Variants in CWH43 observed in about 807,000 individuals in gnomAD.
CWH43 encodes the protein PGAP2-interacting protein.
CWH43 carries 91 observed loss-of-function variants against 85.7 expected under a neutral mutation model. That is an observed-to-expected ratio of 1.06 (90% CI 0.90 to 1.26). CWH43 has a LOEUF of 1.26. Ranked by LOEUF, CWH43 falls within the 50% of genes most tolerant of loss-of-function variation. The pLI, the probability that CWH43 is intolerant of heterozygous loss-of-function variation, is 0.00. For synonymous variants in CWH43, 323 were observed against 293.6 expected (o/e 1.10, Z -1.02); for missense variants, 869 against 839.2 (o/e 1.04, Z -0.44).
intron 12 of CWH43, among the ~76,000 whole-genome samples, chr4:49,036,610 A>G (rs1397584184): frequency 6.6e-6 from 1 of 152,094 alleles, no homozygotes; most frequent in Non-Finnish European, 1.5e-5. Flanking sequence ...CTACCTTTCT[A>G]TGTAAATACC....
intron 8 of CWH43, among the ~76,000 whole-genome samples, chr4:49,010,386 C>T (rs1310721176): frequency 6.6e-6 from 1 of 152,068 alleles, no homozygotes; most frequent in Non-Finnish European, 1.5e-5. Flanking sequence ...ATTAGTCTTG[C>T]TAGTGATCTA....
At chr4:49,041,055 A>G (rs6852790) in intron 13 of CWH43, among the ~76,000 whole-genome samples, 91,763 of 151,936 alleles carry the variant, frequency 0.6, 30,252 homozygotes, top group Middle Eastern at 0.78. Flanking sequence ...GATAGTTGTA[A>G]ATATGTGGCA....
At chr4:49,009,469 C>T (rs565818094) in intron 8 of CWH43, among the ~76,000 whole-genome samples, 1 of 152,212 alleles carries the variant, frequency 6.6e-6, no homozygotes, top group East Asian at 1.9e-4. Context: ...CACTTTATTC[C>T]CTTCTCCTGC....
intron 7 of CWH43, 49 bp downstream of exon 7, chr4:49,004,041 C>A: frequency 6.6e-7 from 1 of 1,518,946 alleles, no homozygotes; most frequent in Admixed American, 1.9e-5. Context: ...CAAAAATATC[C>A]TTATGGACTG....
At chr4:49,003,631 G>T in intron 6 of CWH43, 104 bp from the exon 7 acceptor site, 1 of 1,094,100 alleles carries the variant, frequency 9.1e-7, no homozygotes, top group Non-Finnish European at 1.3e-6. Flanking sequence ...CTGGAGATTG[G>T]ATCAGTATAC....
At position 49,003,802 on chromosome 4, in the gene CWH43, C is replaced by A; in HGVS notation, c.870C>A (p.Phe290Leu). Reference sequence around the variant, plus strand: ...CAGCTGCTGTGTCTGGCTGTGTCTTCGCCATCTTTACTGCATCCATGTGGC... The same window carrying A: ...CAGCTGCTGTGTCTGGCTGTGTCTTAGCCATCTTTACTGCATCCATGTGGC... ...TWAAAVSGCV[F>L]AIFTASMWPQ... Residue 290 changes from phenylalanine to leucine, a missense_variant, in exon 7 of 16, where the codon TTC (phenylalanine) becomes TTA (leucine). Phe to Leu is a conservative substitution (Grantham distance 22, BLOSUM62 0). This residue lies in a region of CWH43 where 577 missense variants were observed against 513.1 expected (regional missense o/e 1.12). Coordinates refer to ENST00000226432, the MANE Select transcript of CWH43 (RefSeq NM_025087.3). 2 of 1,613,970 alleles carry A rather than the reference C, an allele frequency of 1.2e-6. No homozygotes were observed. Among genetic ancestry groups the A allele is most frequent in the Non-Finnish European group, 1.7e-6 (2 of 1,179,884 alleles).
At chr4:49,018,668 A>C (rs1269485584) in intron 9 of CWH43, among the ~76,000 whole-genome samples, 3 of 152,222 alleles carry the variant, frequency 2.0e-5, no homozygotes, top group Non-Finnish European at 4.4e-5. Context: ...CTGATAAAAA[A>C]TCTAGTGTGT....
At chr4:48,998,328 T>G in intron 5 of CWH43, 132 bp from the exon 6 acceptor site, 1 of 656,618 alleles carries the variant, frequency 1.5e-6, no homozygotes, top group Admixed American at 2.5e-5. Flanking sequence ...TGGGCTCTCA[T>G]GATCTCACTG....
At position 49,028,698 on chromosome 4, in the gene CWH43, A is replaced by C. The variant is rs1208204244; in HGVS notation, c.1336A>C (p.Ser446Arg). 10 of 1,613,696 alleles carry C rather than the reference A, an allele frequency of 6.2e-6. No homozygotes were observed. The highest frequency in any genetic ancestry group is 8.5e-6 in the Non-Finnish European group (10 of 1,179,632). Residue 446 changes from serine to arginine, a missense_variant, in exon 10 of 16, where the codon AGT becomes CGT. By Grantham distance (110) the Ser-to-Arg change is moderately radical (BLOSUM62 -1). Around this residue, in one of 3 missense-constraint regions of CWH43, gnomAD observed 577 missense variants for 513.1 expected, o/e 1.12. Transcript: ENST00000226432. ...TGGATATGACAATGAAGGGTGGTCT[A>C]GTCTAGAAAGATCAGCTCACCTGCT... is the stretch of plus-strand genomic sequence containing the variant. ...RFGYDNEGWS[S>R]LERSAHLLNE...
chr4:49,040,019 G>C (rs2109822453), intron 13 of CWH43, among the ~76,000 whole-genome samples: 1 of 152,162 alleles, frequency 6.6e-6, no homozygotes, highest in South Asian at 2.1e-4. Context: ...CCTTGCGATA[G>C]TTTGCTGAGA....
At chr4:49,059,533 C>T (rs185596004) in intron 15 of CWH43, among the ~76,000 whole-genome samples, 1 of 152,178 alleles carries the variant, frequency 6.6e-6, no homozygotes, top group Non-Finnish European at 1.5e-5. Context: ...ATGGACATGC[C>T]CTGGTATCTG....
intron 15 of CWH43, among the ~76,000 whole-genome samples, chr4:49,051,469 G>T (rs1426582603): frequency 6.6e-6 from 1 of 152,196 alleles, no homozygotes. Context: ...TATCTGGGCT[G>T]TGGAATTTAA....
At chr4:48,987,430 G>A (rs1339126498) in intron 1 of CWH43, among the ~76,000 whole-genome samples, 1 of 152,198 alleles carries the variant, frequency 6.6e-6, no homozygotes, top group Non-Finnish European at 1.5e-5. Context: ...CACGCCCAGT[G>A]GTTAGACCGG....
At chr4:49,040,563 A>G (rs1356882824) in intron 13 of CWH43, among the ~76,000 whole-genome samples, 2 of 152,090 alleles carry the variant, frequency 1.3e-5, no homozygotes, top group Admixed American at 6.5e-5. Flanking sequence ...GTCTGTTCAT[A>G]TCCTTGGCCC....
At chr4:49,027,233 T>C (rs1424682354) in intron 9 of CWH43, among the ~76,000 whole-genome samples, 1 of 152,170 alleles carries the variant, frequency 6.6e-6, no homozygotes, top group Non-Finnish European at 1.5e-5. Context: ...AGACTTAGAA[T>C]ATATTTTGAA....
At chr4:49,059,303 C>CT (rs1330054176) in intron 15 of CWH43, among the ~76,000 whole-genome samples, 3 of 151,954 alleles carry the variant, frequency 2.0e-5, no homozygotes, top group African/African-American at 4.8e-5. Context: ...CTGTTTGGTT[C>CT]TTTTTTGTGA....
intron 15 of CWH43, among the ~76,000 whole-genome samples, chr4:49,051,111 A>G (rs559183320): frequency 5.7e-4 from 87 of 152,266 alleles, no homozygotes; most frequent in African/African-American, 2.0e-3. Context: ...CATCATCACC[A>G]TCATCATCAC....
chr4:49,061,405 T>C (rs1785153290), intron 15 of CWH43, among the ~76,000 whole-genome samples: 1 of 152,240 alleles, frequency 6.6e-6, no homozygotes, highest in Non-Finnish European at 1.5e-5. Flanking sequence ...TAGTTATTCA[T>C]GTGCAAAGAG....
In CWH43 at chr4:49,038,027, A is replaced by T. The variant is rs781019844; in HGVS notation, c.1659-9A>T. 5 of 1,589,970 alleles carry T rather than the reference A, an allele frequency of 3.1e-6. No homozygotes were observed. In the Admixed American group the frequency reaches 9.4e-5, roughly 30 times the overall value. ...ATACAATAAAGGGTCATATTTTTAC[A>T]TTTTTTAGAGATGACCTCGACAGGA... On this transcript the variant is annotated splice_polypyrimidine_tract_variant and intron_variant, in intron 12 of 15. Transcript: ENST00000226432.
Sources: allele counts gnomAD v4.1 joint callset (sites outside exome capture counted in the v4.1 genomes callset), GRCh38; gene constraint gnomAD v4.1.1; regional missense constraint gnomAD v4.1.1; transcripts MANE v1.5; gene names NCBI Gene and HGNC (gene_info 2026-07-23, HGNC 2026-07-21).